The following CHST8 variants were observed in gnomAD, a reference collection of about 807,000 sequenced individuals.
The protein encoded by CHST8 is carbohydrate sulfotransferase 8, also known as GALNAC-4-ST1.
In CHST8, 10 loss-of-function variants were observed where a neutral mutation model predicts 15.0. The observed-to-expected ratio is 0.67, with a 90% CI of 0.41 to 1.13. The LOEUF (loss-of-function observed/expected upper bound fraction) is 1.13. CHST8 is among the 50% of genes most tolerant of loss of function. The pLI, the probability that CHST8 is intolerant of heterozygous loss-of-function variation, is 0.00. For synonymous variants in CHST8, 259 were observed against 256.6 expected (o/e 1.01, Z -0.09); for missense variants, 634 against 608.2 (o/e 1.04, Z -0.45).
intron 1 of CHST8, among the ~76,000 whole-genome samples, chr19:33,644,608 G>A (rs1030072482): frequency 4.6e-5 from 7 of 152,082 alleles, no homozygotes; most frequent in African/African-American, 1.4e-4. Context: ...AGGCATGGTG[G>A]TGTGCACTTG....
chr19:33,716,590 A>T (rs1313549566), intron 3 of CHST8, among the ~76,000 whole-genome samples: 3 of 151,822 alleles, frequency 2.0e-5, no homozygotes, highest in African/African-American at 7.3e-5. Context: ...CTGATCTCGA[A>T]CTCCTGGGCT....
In CHST8 at chr19:33,772,248, C is replaced by G; in HGVS notation, c.460C>G (p.Gln154Glu). 2.5e-6 allele frequency: 4 copies of G among 1,599,332 alleles called. No individual in the cohort carries two copies. Among genetic ancestry groups the G allele is most frequent in the Non-Finnish European group, 3.4e-6 (4 of 1,177,760 alleles). ...GRWVSLHRSQQERKRVMQEAC... is the reference protein window; with the variant it reads ...GRWVSLHRSQEERKRVMQEAC... ...CTGGGTCAGCCTGCACCGGAGCCAG[C>G]AGGAGCGCAAGCGGGTGATGCAGGA... Residue 154 changes from glutamine (Q) to glutamate (E), a missense_variant, in exon 5 of 5, where the codon CAG becomes GAG. By Grantham distance (29) the Gln-to-Glu change is conservative. Transcript: ENST00000650847.
chr19:33,636,185 G>A (rs1027602703), intron 1 of CHST8, among the ~76,000 whole-genome samples: 12 of 151,816 alleles, frequency 7.9e-5, no homozygotes, highest in Non-Finnish European at 1.5e-4. Flanking sequence ...TTTACGAGTC[G>A]ATGCTAATTT....
rs753061089 is a variant in CHST8 at position 33,773,069 on chromosome 19, G to T, written c.*6G>T. 3 of 1,578,968 alleles carry T rather than the reference G, an allele frequency of 1.9e-6. No homozygotes were observed. Among genetic ancestry groups the T allele is most frequent in the East Asian group, 4.5e-5 (2 of 44,478 alleles). ...CCTTTGCAGATCTGTACTGAGGGGC[G>T]CCGCAGCTGGCCGGGGCCGCCCTGC... On this transcript the variant is annotated 3_prime_UTR_variant, in exon 5 of 5. Transcript: ENST00000650847.
At chr19:33,637,299 C>T (rs1035213782) in intron 1 of CHST8, among the ~76,000 whole-genome samples, 1 of 152,170 alleles carries the variant, frequency 6.6e-6, no homozygotes, top group African/African-American at 2.4e-5. Flanking sequence ...TAGGTCTCAG[C>T]CTCATTTTAC....
chr19:33,682,152 G>A (rs1972899889), intron 2 of CHST8, among the ~76,000 whole-genome samples: 1 of 146,470 alleles, frequency 6.8e-6, no homozygotes, highest in African/African-American at 2.5e-5. Context: ...CACCGTGCCT[G>A]GTGTGTGTGT....
chr19:33,704,867 G>A (rs185830183), intron 3 of CHST8, among the ~76,000 whole-genome samples: 39 of 147,956 alleles, frequency 2.6e-4, no homozygotes, highest in Non-Finnish European at 4.7e-4. Flanking sequence ...CTGAAATCAC[G>A]CACTACATTC....
At chr19:33,690,999 G>A (rs1200360286) in intron 3 of CHST8, among the ~76,000 whole-genome samples, 2 of 152,214 alleles carry the variant, frequency 1.3e-5, no homozygotes, top group African/African-American at 4.8e-5. Flanking sequence ...AGGAGCCTGG[G>A]AGAGGAGGCA....
chr19:33,699,856 C>T (rs1973298080), intron 3 of CHST8, among the ~76,000 whole-genome samples: 1 of 152,138 alleles, frequency 6.6e-6, no homozygotes, highest in Non-Finnish European at 1.5e-5. Context: ...GAGTGTGTCC[C>T]CCTGGAGCTC....
chr19:33,715,988 C>T (rs1973658008), intron 3 of CHST8, among the ~76,000 whole-genome samples: 1 of 152,230 alleles, frequency 6.6e-6, no homozygotes, highest in Admixed American at 6.5e-5. Flanking sequence ...TGTTGCAAGC[C>T]TGTCACCCAA....
intron 3 of CHST8, among the ~76,000 whole-genome samples, chr19:33,727,195 T>A (rs1362382087): frequency 6.6e-6 from 1 of 152,066 alleles, no homozygotes; most frequent in African/African-American, 2.4e-5. Flanking sequence ...GCTCCCTGGC[T>A]GATCCTGTGT....
At chr19:33,627,623 G>A (rs1037962921) in intron 1 of CHST8, among the ~76,000 whole-genome samples, 2 of 152,204 alleles carry the variant, frequency 1.3e-5, no homozygotes, top group African/African-American at 4.8e-5. Context: ...AGGGCAAGAT[G>A]CCCTTTCCCT....
chr19:33,677,755 C>T (rs1972828535), intron 2 of CHST8, among the ~76,000 whole-genome samples: 1 of 152,224 alleles, frequency 6.6e-6, no homozygotes, highest in Non-Finnish European at 1.5e-5. Flanking sequence ...CCACAGTCCC[C>T]TCTGTCAGAT....
At chr19:33,769,978 C>T (rs942030404) in intron 3 of CHST8, among the ~76,000 whole-genome samples, 4 of 152,142 alleles carry the variant, frequency 2.6e-5, no homozygotes, top group African/African-American at 7.2e-5. Context: ...GAGGAAGGTT[C>T]GGGCAAGCTC....
intron 1 of CHST8, among the ~76,000 whole-genome samples, chr19:33,645,557 C>T (rs766631156): frequency 2.0e-5 from 3 of 151,904 alleles, no homozygotes; most frequent in Non-Finnish European, 2.9e-5. Flanking sequence ...TTGGTCTGAG[C>T]GGCTAGAAGG....
intron 3 of CHST8, among the ~76,000 whole-genome samples, chr19:33,771,044 T>A (rs1050136523): frequency 1.3e-5 from 2 of 152,052 alleles, no homozygotes; most frequent in African/African-American, 4.8e-5. Flanking sequence ...CCCTGTGACT[T>A]AATGACATGG....
chr19:33,687,466 G>A (rs999481603), intron 2 of CHST8, among the ~76,000 whole-genome samples: 7 of 152,174 alleles, frequency 4.6e-5, no homozygotes, highest in Admixed American at 2.0e-4. Flanking sequence ...CAGTGAGGTC[G>A]GAGCCAGCCT....
At chr19:33,660,511 A>C (rs1972572804) in intron 1 of CHST8, among the ~76,000 whole-genome samples, 1 of 152,152 alleles carries the variant, frequency 6.6e-6, no homozygotes, top group Non-Finnish European at 1.5e-5. Flanking sequence ...GAAGTGAAGA[A>C]ACTGGTGGAA....
intron 1 of CHST8, among the ~76,000 whole-genome samples, chr19:33,624,726 T>C (rs1418499074): frequency 1.3e-5 from 2 of 152,218 alleles, no homozygotes; most frequent in African/African-American, 4.8e-5. Flanking sequence ...GAGCTCTGAG[T>C]TCCTGCCAGA....
Sources: gnomAD v4.1 joint callset for allele counts (sites outside exome capture counted in the v4.1 genomes callset) on GRCh38, gnomAD v4.1.1 for gene constraint, MANE v1.5 for transcripts, NCBI Gene and HGNC (gene_info 2026-07-23, HGNC 2026-07-21) for gene names.